IL1RAPL1: variants seen among roughly 807,000 people sequenced by gnomAD.
IL1RAPL1 encodes the protein interleukin-1 receptor accessory protein-like 1.
A neutral mutation model predicts 48.4 loss-of-function variants in IL1RAPL1; 3 were observed. The ratio of observed to expected loss-of-function variants is 0.06; its 90% CI spans 0.03 to 0.16. The LOEUF is 0.16. IL1RAPL1 is among the 10% of genes least tolerant of loss of function. The probability of loss-of-function intolerance (pLI) is 1.00; values close to 1 mark genes in which losing one functional copy is unlikely to be tolerated. For synonymous variants in IL1RAPL1, 185 were observed against 187.7 expected (o/e 0.99, Z 0.12); for missense variants, 349 against 530.6 (o/e 0.66, Z 3.36).
intron 6 of IL1RAPL1, among the ~76,000 whole-genome samples, chrX:29,810,841 T>G (rs1159903864): frequency 8.9e-6 from 1 of 112,173 alleles, no homozygotes; most frequent in East Asian, 2.8e-4. Flanking sequence ...TATAGAGTTT[T>G]TTATTTCCAA....
In IL1RAPL1 at chrX:28,604,659, G is replaced by A. The variant is rs372071787; in HGVS notation, c.-25+16612G>A. ...GGAGAATCACTTGAACCCGGGAGGC[G>A]GAGGTTGCAGTGAGCCGAGATTGCA... On this transcript the variant is annotated intron_variant, in intron 1 of 10. Coordinates refer to ENST00000378993, the MANE Select transcript of IL1RAPL1 (RefSeq NM_014271.4). Among the ~76,000 whole-genome samples the A allele has an allele frequency of 7.7e-5, 8 of 103,824 alleles. No individual in the cohort carries two copies. The East Asian group carries it at 1.5e-3, about 20-fold the overall frequency. 90.2% of individuals were successfully genotyped at this position (103,824 alleles called of 115,157 possible). A position where few individuals can be genotyped will look rare whatever the true frequency, so the allele number is the denominator to read the frequency against.
rs1464507885 is a variant in IL1RAPL1 at position 29,837,252 on chromosome X, G to A, written c.779-80212G>A. On this transcript the variant is annotated intron_variant, in intron 6 of 10. Coordinates refer to ENST00000378993, the MANE Select transcript of IL1RAPL1 (RefSeq NM_014271.4). ...CACTCCAGCCTCAGCGATAGAGACT[G>A]CATCTCAAAAAAAAAAAAAAATATA... Among the ~76,000 whole-genome samples the A allele has an allele frequency of 7.4e-5, 4 of 54,047 alleles. No individual in the cohort carries two copies. In the East Asian group the frequency reaches 2.9e-3, roughly 39 times the overall value. The allele number at this position is 54,047 out of a possible 115,157, so 46.9% of individuals were successfully genotyped here.
At chrX:29,058,552 A>G (rs1159764905) in intron 2 of IL1RAPL1, among the ~76,000 whole-genome samples, 1 of 112,198 alleles carries the variant, frequency 8.9e-6, no homozygotes, top group Non-Finnish European at 1.9e-5. Context: ...TTAGTACTAA[A>G]AAAGTGATTT....
intron 5 of IL1RAPL1, among the ~76,000 whole-genome samples, chrX:29,438,340 C>T (rs747864424): frequency 9.0e-5 from 10 of 111,055 alleles, no homozygotes; most frequent in South Asian, 3.7e-4. Context: ...TTCATTGCTT[C>T]GTTAACTTTC....
intron 2 of IL1RAPL1, among the ~76,000 whole-genome samples, chrX:29,029,912 A>G (rs868580703): frequency 1.9e-5 from 2 of 106,529 alleles, no homozygotes; most frequent in Non-Finnish European, 3.9e-5. Flanking sequence ...GTTCATTTTC[A>G]TGAATGGTAT....
chrX:29,260,238 T>C (rs1294612936), intron 2 of IL1RAPL1, among the ~76,000 whole-genome samples: 2 of 112,618 alleles, frequency 1.8e-5, no homozygotes, highest in Non-Finnish European at 3.7e-5. Flanking sequence ...TTTCAAGAGC[T>C]AACTGAGGAT....
chrX:28,829,374 G>A (rs1482924819), intron 2 of IL1RAPL1, among the ~76,000 whole-genome samples: 3 of 110,091 alleles, frequency 2.7e-5, no homozygotes, highest in Admixed American at 1.9e-4. Context: ...TAACGTCTCT[G>A]GTACAGTGTT....
chrX:28,997,927 TA>T (rs1925759232), intron 2 of IL1RAPL1, among the ~76,000 whole-genome samples: 1 of 111,910 alleles, frequency 8.9e-6, no homozygotes, highest in South Asian at 3.7e-4. Context: ...CAGACCATTC[TA>T]CAAAGGTTTA....
At chrX:29,629,957 C>T (rs1040346939) in intron 5 of IL1RAPL1, among the ~76,000 whole-genome samples, 4 of 112,035 alleles carry the variant, frequency 3.6e-5, no homozygotes, top group African/African-American at 9.7e-5. Flanking sequence ...GATTTTCCAC[C>T]TTCTTTCCTT....
At chrX:29,813,073 CAT>C (rs1930412690) in intron 6 of IL1RAPL1, among the ~76,000 whole-genome samples, 1 of 111,567 alleles carries the variant, frequency 9.0e-6, no homozygotes, top group Non-Finnish European at 1.9e-5. Flanking sequence ...GTGTGAAAAA[CAT>C]ATGTTTCTCA....
chrX:29,056,020 C>A (rs1927206564), intron 2 of IL1RAPL1, among the ~76,000 whole-genome samples: 2 of 112,039 alleles, frequency 1.8e-5, no homozygotes, highest in African/African-American at 6.5e-5. Context: ...TTCAAGGAAT[C>A]ATTTACCACT....
intron 1 of IL1RAPL1, among the ~76,000 whole-genome samples, chrX:28,757,465 T>C (rs1477128581): frequency 8.9e-6 from 1 of 112,340 alleles, no homozygotes; most frequent in Non-Finnish European, 1.9e-5. Flanking sequence ...GCAAAACAAG[T>C]AGGGCAGGAA....
chrX:28,702,971 C>T (rs1180519597), intron 1 of IL1RAPL1, among the ~76,000 whole-genome samples: 4 of 111,131 alleles, frequency 3.6e-5, no homozygotes, highest in African/African-American at 9.8e-5. Flanking sequence ...CTTCTCAGTT[C>T]TTATCATAAT....
At chrX:28,800,132 G>A (rs1408917873) in intron 2 of IL1RAPL1, among the ~76,000 whole-genome samples, 2 of 111,545 alleles carry the variant, frequency 1.8e-5, no homozygotes, top group Non-Finnish European at 3.8e-5. Context: ...CCACCTTCTG[G>A]TGGCTTCAGT....
chrX:29,637,193 A>T (rs1465966515), intron 5 of IL1RAPL1, among the ~76,000 whole-genome samples: 1 of 109,607 alleles, frequency 9.1e-6, no homozygotes, highest in East Asian at 2.8e-4. Flanking sequence ...CATCCAGTAC[A>T]CACACTTAGG....
chrX:29,504,404 A>G (rs1207380283), intron 5 of IL1RAPL1, among the ~76,000 whole-genome samples: 1 of 111,622 alleles, frequency 9.0e-6, no homozygotes, highest in African/African-American at 3.3e-5. Context: ...TTCTGTCTGG[A>G]TGATCTGTCC....
intron 6 of IL1RAPL1, among the ~76,000 whole-genome samples, chrX:29,677,269 C>T (rs1218037414): frequency 1.8e-5 from 2 of 112,015 alleles, no homozygotes; most frequent in Non-Finnish European, 3.8e-5. Flanking sequence ...CATGTTAAAA[C>T]ACTTAGCATT....
chrX:29,193,660 A>T (rs1930392072), intron 2 of IL1RAPL1, among the ~76,000 whole-genome samples: 1 of 111,195 alleles, frequency 9.0e-6, no homozygotes, highest in Admixed American at 9.7e-5. Context: ...AGAACAAGGG[A>T]GTAATTTTAT....
intron 1 of IL1RAPL1, among the ~76,000 whole-genome samples, chrX:28,770,439 A>G (rs1936295934): frequency 8.9e-6 from 1 of 112,469 alleles, no homozygotes; most frequent in African/African-American, 3.2e-5. Flanking sequence ...ACTTAAGAAC[A>G]AGGTGTTATT....
Sources: allele counts gnomAD v4.1 joint callset (sites outside exome capture counted in the v4.1 genomes callset), GRCh38; gene constraint gnomAD v4.1.1; transcripts MANE v1.5; gene names NCBI Gene and HGNC (gene_info 2026-07-23, HGNC 2026-07-21).